PDCD2L: variants seen among roughly 807,000 people sequenced by gnomAD.
PDCD2L encodes programmed cell death 2 like.
PDCD2L carries 44 observed loss-of-function variants against 40.4 expected under a neutral mutation model. The ratio of observed to expected loss-of-function variants is 1.09; its 90% CI spans 0.86 to 1.40. PDCD2L has a LOEUF of 1.40. PDCD2L is among the 40% of genes most tolerant of loss of function. PDCD2L has a pLI of 0.00. For synonymous variants in PDCD2L, 194 were observed against 174.6 expected (o/e 1.11, Z -0.88); for missense variants, 470 against 453.7 (o/e 1.04, Z -0.33).
intron 4 of PDCD2L, 56 bp from the exon 5 acceptor site, chr19:34,413,675 TTGCAAA>T: frequency 9.7e-7 from 1 of 1,026,166 alleles, no homozygotes; most frequent in Non-Finnish European, 1.5e-6. Flanking sequence ...TTGTTTTGTC[TTGCAAA>T]TGCTGTAATT....
intron 5 of PDCD2L, 26 bp from the exon 6 acceptor site, chr19:34,421,493 C>G: frequency 6.2e-7 from 1 of 1,611,954 alleles, no homozygotes; most frequent in Non-Finnish European, 8.5e-7. Flanking sequence ...GGCTCTGATT[C>G]GGGGTTCTTT....
intron 5 of PDCD2L, among the ~76,000 whole-genome samples, chr19:34,415,669 A>G (rs2075123698): frequency 6.6e-6 from 1 of 152,262 alleles, no homozygotes; most frequent in Non-Finnish European, 1.5e-5. Flanking sequence ...ATATTAAAAA[A>G]GAAATTCCCT....
At chr19:34,413,899 C>G in intron 5 of PDCD2L, 52 bp downstream of exon 5, 1 of 1,160,524 alleles carries the variant, frequency 8.6e-7, no homozygotes, top group Non-Finnish European at 1.3e-6. Flanking sequence ...TAAAGGAATA[C>G]ATATTAGTTT....
rs1427746890 is a variant in PDCD2L at position 34,404,910 on chromosome 19, C to T, written c.276-20C>T. ...GGAGTCGGGGTGCAGCCCTCACGGCCCTTTGTCTTCACCCCGAAGCTGGAA... is the reference window on the plus strand; with the variant it reads ...GGAGTCGGGGTGCAGCCCTCACGGCTCTTTGTCTTCACCCCGAAGCTGGAA... On this transcript the variant is annotated intron_variant, in intron 2 of 6. Transcript: ENST00000246535. 1.2e-6 allele frequency: 2 copies of T among 1,613,952 alleles called. No individual in the cohort carries two copies. The highest frequency in any genetic ancestry group is 1.1e-5 in the South Asian group (1 of 91,076).
At chr19:34,417,879 A>C (rs576684612) in intron 5 of PDCD2L, among the ~76,000 whole-genome samples, 1 of 152,358 alleles carries the variant, frequency 6.6e-6, no homozygotes, top group South Asian at 2.1e-4. Flanking sequence ...AAATATGCAA[A>C]TACTAAAATA....
intron 4 of PDCD2L, among the ~76,000 whole-genome samples, chr19:34,412,043 CAGA>C (rs1287563700): frequency 6.8e-6 from 1 of 147,708 alleles, no homozygotes; most frequent in African/African-American, 2.5e-5. Flanking sequence ...ATATTTGAGA[CAGA>C]ATCTCGCTCT....
chr19:34,425,782 T>C (rs1036399537), intron 6 of PDCD2L, among the ~76,000 whole-genome samples: 4 of 152,248 alleles, frequency 2.6e-5, no homozygotes, highest in Non-Finnish European at 5.9e-5. Flanking sequence ...AAGTATATTT[T>C]CCTGCCACTT....
intron 6 of PDCD2L, among the ~76,000 whole-genome samples, chr19:34,422,929 A>G (rs902096016): frequency 6.6e-6 from 1 of 151,982 alleles, no homozygotes; most frequent in African/African-American, 2.4e-5. Flanking sequence ...TGTGTTAGCC[A>G]GGATGGTGTT....
intron 4 of PDCD2L, among the ~76,000 whole-genome samples, chr19:34,410,467 G>C (rs2075097097): frequency 6.6e-6 from 1 of 152,032 alleles, no homozygotes; most frequent in Admixed American, 6.6e-5. Context: ...GGTCAGGCTG[G>C]TCTCGAACTC....
Position 34,413,772 on chromosome 19 carries a change from C to A in PDCD2L, c.722C>A (p.Thr241Asn), listed in dbSNP as rs769675776. 3.0e-5 allele frequency: 48 copies of A among 1,603,912 alleles called. No homozygotes were observed. The South Asian group carries it at 4.9e-4, about 16-fold the overall frequency. Residue 241 changes from threonine (T) to asparagine (N), a missense_variant, in exon 5 of 7, where the codon ACC becomes AAC. By Grantham distance (65) the Thr-to-Asn change is moderately conservative. Coordinates refer to ENST00000246535, the MANE Select transcript of PDCD2L (RefSeq NM_032346.2). ...GATGGTGATGAAAAATATGAGAAGACCATAATTAAAAGTGGAGATCAGACG... is the reference window on the plus strand; with the variant it reads ...GATGGTGATGAAAAATATGAGAAGAACATAATTAAAAGTGGAGATCAGACG... The part of the protein sequence containing the change: ...PNDGDEKYEK[T>N]IIKSGDQTFY...
At chr19:34,422,600 T>G (rs980384934) in intron 6 of PDCD2L, among the ~76,000 whole-genome samples, 1 of 152,136 alleles carries the variant, frequency 6.6e-6, no homozygotes, top group African/African-American at 2.4e-5. Flanking sequence ...CGAAAATAAT[T>G]TTCCTAAAAT....
At chr19:34,425,722 A>G (rs2075174006) in intron 6 of PDCD2L, among the ~76,000 whole-genome samples, 1 of 152,138 alleles carries the variant, frequency 6.6e-6, no homozygotes, top group South Asian at 2.1e-4. Context: ...TCAACATCAG[A>G]TAGCTAGACA....
At chr19:34,411,786 C>A (rs2075104461) in intron 4 of PDCD2L, among the ~76,000 whole-genome samples, 1 of 151,680 alleles carries the variant, frequency 6.6e-6, no homozygotes, top group African/African-American at 2.4e-5. Context: ...TCCCAAGTAG[C>A]TGGGATTACA....
intron 6 of PDCD2L, among the ~76,000 whole-genome samples, chr19:34,424,052 G>A (rs1599877012): frequency 6.6e-6 from 1 of 151,790 alleles, no homozygotes; most frequent in African/African-American, 2.4e-5. Context: ...TCAGAACCTT[G>A]TATAGACCCC....
chr19:34,411,114 T>C (rs949169055), intron 4 of PDCD2L, among the ~76,000 whole-genome samples: 14 of 151,278 alleles, frequency 9.3e-5, no homozygotes, highest in Non-Finnish European at 1.5e-4. Context: ...CTTAAGTTTT[T>C]ATGTATTTGC....
Position 34,426,146 on chromosome 19 carries a change from T to G in PDCD2L, c.*26T>G. On this transcript the variant is annotated 3_prime_UTR_variant, in exon 7 of 7. Coordinates refer to ENST00000246535, the MANE Select transcript of PDCD2L (RefSeq NM_032346.2). ...AGCATTTCCTTTTATTAATATAAAT[T>G]AAAACAAATGTTTACATCCAAATAT... The G allele has an allele frequency of 6.8e-7, 1 of 1,472,966 alleles. No individual in the cohort carries two copies. The highest frequency in any genetic ancestry group is 9.4e-7 in the Non-Finnish European group (1 of 1,063,762). 91.2% of individuals were successfully genotyped at this position (1,472,966 alleles called of 1,614,324 possible). A position where few individuals can be genotyped will look rare whatever the true frequency, so the allele number is the denominator to read the frequency against.
At chr19:34,425,415 C>T (rs2075172696) in intron 6 of PDCD2L, among the ~76,000 whole-genome samples, 1 of 151,046 alleles carries the variant, frequency 6.6e-6, no homozygotes, top group Middle Eastern at 3.2e-3. Flanking sequence ...ATCCTTCTGC[C>T]TTAGTCTCCT....
At chr19:34,419,933 C>G (rs566574969) in intron 5 of PDCD2L, among the ~76,000 whole-genome samples, 55 of 151,504 alleles carry the variant, frequency 3.6e-4, no homozygotes, top group African/African-American at 1.3e-3. Context: ...CAGGCGTGCA[C>G]CACTATGTCT....
rs1183780725 is a variant in PDCD2L, at chr19:34,409,247, G to A, written c.423G>A (p.Gln141=). The change falls in exon 4 of 7, where the codon CAG becomes CAA. Residue 141 remains glutamine (Q), a synonymous_variant. Coordinates refer to ENST00000246535, the MANE Select transcript of PDCD2L (RefSeq NM_032346.2). ...ATACTGAGGAGGGGCCTTCACCACA[G>A]TTTACCTTGGATTTTGGGAATGATG... ...GSDTEEGPSP[Q]FTLDFGNDAS... The A allele has an allele frequency of 1.2e-6, 2 of 1,614,078 alleles. No individual in the cohort carries two copies. Among genetic ancestry groups the A allele is most frequent in the East Asian group, 2.2e-5 (1 of 44,904 alleles).
Sources: gnomAD v4.1 joint callset for allele counts (sites outside exome capture counted in the v4.1 genomes callset) on GRCh38, gnomAD v4.1.1 for gene constraint, MANE v1.5 for transcripts, NCBI Gene and HGNC (gene_info 2026-07-23, HGNC 2026-07-21) for gene names.